MYBPH: variants seen among roughly 807,000 people sequenced by gnomAD.
The protein encoded by MYBPH is myosin binding protein H.
A neutral mutation model predicts 53.6 loss-of-function variants in MYBPH; 49 were observed. The ratio of observed to expected loss-of-function variants is 0.91; its 90% CI spans 0.73 to 1.16. The LOEUF is 1.16. Among genes scored for constraint, MYBPH ranks in the 50% most tolerant of loss-of-function variants. The pLI, the probability that MYBPH is intolerant of heterozygous loss-of-function variation, is 0.00. For synonymous variants in MYBPH, 239 were observed against 249.6 expected (o/e 0.96, Z 0.40); for missense variants, 558 against 624.1 (o/e 0.89, Z 1.13).
In MYBPH at chr1:203,171,162, C is replaced by T. The variant is rs778951085; in HGVS notation, c.832G>A (p.Val278Ile). 4.0e-5 allele frequency: 65 copies of T among 1,611,500 alleles called. No individual in the cohort carries two copies. The highest frequency in any genetic ancestry group is 1.2e-4 in the Admixed American group (7 of 59,532). ...GPPSSIRLLD[V>I]WGCNAALQWT... ...TGAAGAGCAGCATTGCAGCCCCAGA[C>T]GTCCAGGAGCCTGATGCTGCTGGGG... Residue 278 changes from valine to isoleucine, a missense_variant, in exon 6 of 11, where the codon GTC becomes ATC. Coordinates refer to ENST00000255416, the MANE Select transcript of MYBPH (RefSeq NM_004997.3). This position sits in a 1 kb window ranked among gnomAD's most constrained non-coding sequence, Gnocchi z 4.2.
rs561847617 is a variant in MYBPH, at chr1:203,171,565, G to A, written c.611C>T (p.Pro204Leu). Reference sequence around the variant, plus strand: ...GCCGTTGTGGGTCCATGTGGCCTGAGGCTTAGGCTTCCCCTGGCAGGGAGG... The same window carrying A: ...GCCGTTGTGGGTCCATGTGGCCTGAAGCTTAGGCTTCCCCTGGCAGGGAGG... ...LQIPFQGKPK[P>L]QATWTHNGHA... The change falls in exon 5 of 11, where the codon CCT (proline) becomes CTT (leucine). Residue 204 changes from proline (P) to leucine (L), a missense_variant. Physicochemically the swap from Pro to Leu is moderately conservative, Grantham distance 98. Coordinates refer to ENST00000255416, the MANE Select transcript of MYBPH (RefSeq NM_004997.3). This position sits in a 1 kb window ranked among gnomAD's most constrained non-coding sequence, Gnocchi z 4.2. 1 of 1,612,270 alleles carries A rather than the reference G, an allele frequency of 6.2e-7. No homozygotes were observed. The highest frequency in any genetic ancestry group is 8.5e-7 in the Non-Finnish European group (1 of 1,179,682).
intron 7 of MYBPH, 119 bp downstream of exon 7, chr1:203,170,172 C>T (rs111692033): frequency 4.1e-5 from 52 of 1,266,418 alleles, no homozygotes; most frequent in African/African-American, 7.5e-5. Flanking sequence ...AGTGAGGAGA[C>T]GGCAAGTGTT....
At chr1:203,169,784 G>A (rs1427779499) in intron 7 of MYBPH, among the ~76,000 whole-genome samples, 1 of 152,236 alleles carries the variant, frequency 6.6e-6, no homozygotes, top group African/African-American at 2.4e-5. Flanking sequence ...GTCGGAGAGG[G>A]CCTTGGGGCA....
chr1:203,175,343 C>G lies in MYBPH; in HGVS notation c.324G>C (p.Glu108Asp), dbSNP rs1310057824. Residue 108 changes from glutamate (E) to aspartate (D), a missense_variant, in exon 2 of 11, where the codon GAG becomes GAC. Transcript: ENST00000255416. ...GRLGLQGYVL[E>D]LCREGASEWV... is the part of the protein sequence containing the mutation. ...AGCACTCACCTCCCTCTCTGCAGAG[C>G]TCCAGCACATAGCCCTGGAGGCCCA... 1.3e-6 allele frequency: 2 copies of G among 1,523,102 alleles called. No individual in the cohort carries two copies. The highest frequency in any genetic ancestry group is 1.4e-5 in the African/African-American group (1 of 71,842). 94.3% of individuals were successfully genotyped at this position (1,523,102 alleles called of 1,614,324 possible).
chr1:203,178,762 C>T (rs548067944), upstream of MYBPH, among the ~76,000 whole-genome samples: 19 of 152,326 alleles, frequency 1.2e-4, no homozygotes, highest in South Asian at 1.2e-3. Flanking sequence ...AATCTGAGGA[C>T]GCTGGCCTCC....
At chr1:203,172,238 G>T (rs1277335360) in intron 3 of MYBPH, among the ~76,000 whole-genome samples, 198 bp from the exon 4 acceptor site, 1 of 152,124 alleles carries the variant, frequency 6.6e-6, no homozygotes, top group African/African-American at 2.4e-5. Flanking sequence ...TCCCTTAAGG[G>T]AGCAGGAGGT....
chr1:203,175,613 T>G lies in MYBPH; in HGVS notation c.143A>C (p.Gln48Pro), dbSNP rs1386840881. Residue 48 changes from glutamine to proline, a missense_variant, in exon 1 of 11, where the codon CAG (glutamine) becomes CCG (proline). Gln to Pro is a moderately conservative substitution (Grantham distance 76). Transcript: ENST00000255416. ...TGTAGGGGCCTGTGGGGCAGGGGCCTGCGGCTTGGGCACCTGCTCTTCTCT... is the reference window on the plus strand; with the variant it reads ...TGTAGGGGCCTGTGGGGCAGGGGCCGGCGGCTTGGGCACCTGCTCTTCTCT... ...STREEQVPKP[Q>P]APAPQAPTAS... The G allele has an allele frequency of 6.2e-7, 1 of 1,613,782 alleles. No individual in the cohort carries two copies. Among genetic ancestry groups the G allele is most frequent in the African/African-American group, 1.3e-5 (1 of 74,888 alleles).
intron 3 of MYBPH, among the ~76,000 whole-genome samples, chr1:203,173,672 C>T (rs911216705): frequency 5.9e-5 from 9 of 152,340 alleles, no homozygotes; most frequent in South Asian, 2.1e-4. Flanking sequence ...ATCATCCATC[C>T]CCTAGTGGAG....
chr1:203,168,175 C>T, intron 10 of MYBPH, 84 bp from the exon 11 acceptor site: 1 of 226,812 alleles, frequency 4.4e-6, no homozygotes, highest in South Asian at 5.6e-5. Context: ...GGAGGGGGAG[C>T]AGCATCCTCT....
At chr1:203,178,407 G>A (rs1165527505), upstream of MYBPH, among the ~76,000 whole-genome samples, 5 of 152,200 alleles carry the variant, frequency 3.3e-5, no homozygotes, top group Non-Finnish European at 7.4e-5. Flanking sequence ...GTAATCGGCT[G>A]CCCCTCACTG....
chr1:203,168,041 C>T lies in MYBPH; in HGVS notation c.*83G>A, dbSNP rs1655617414. The T allele has an allele frequency of 1.3e-5, 2 of 156,570 alleles. No homozygotes were observed. The allele number at this position is 156,570 out of a possible 1,614,324, so 9.7% of individuals were successfully genotyped here. ...ATGGAAGCGGGGGTCTTGGGCATCT[C>T]TGGAGTTTGACTGTAGGCCTGGTGG... On this transcript the variant is annotated 3_prime_UTR_variant, in exon 11 of 11. Transcript: ENST00000255416.
chr1:203,179,162 G>T, upstream of MYBPH: 1 of 277,174 alleles, frequency 3.6e-6, no homozygotes, highest in Non-Finnish European at 6.8e-6. Context: ...AAATTCCCTT[G>T]CCAGGCTTGG....
rs569729470 is a variant in MYBPH, at chr1:203,169,175, A to T, written c.1230+78T>A. On this transcript the variant is annotated intron_variant, in intron 8 of 10. Transcript: ENST00000255416. ...CAGCTATCCCCAGGCTTAGGTGTGG[A>T]CGCCCGGAGGATTCCTCAGCCCTGC... 8 of 1,579,888 alleles carry T rather than the reference A, an allele frequency of 5.1e-6. No individual in the cohort carries two copies. The African/African-American group carries it at 1.1e-4, about 21-fold the overall frequency.
Position 203,175,605 on chromosome 1 carries a change from C to T in MYBPH, c.151G>A (p.Ala51Thr). 6 of 1,613,910 alleles carry T rather than the reference C, an allele frequency of 3.7e-6. No individual in the cohort carries two copies. Among genetic ancestry groups the T allele is most frequent in the Non-Finnish European group, 5.1e-6 (6 of 1,180,008 alleles). Reference protein sequence around the residue: ...EEQVPKPQAPAPQAPTASTAT... With the variant: ...EEQVPKPQAPTPQAPTASTAT... Reference sequence around the variant, plus strand: ...GTGGAGGCTGTAGGGGCCTGTGGGGCAGGGGCCTGCGGCTTGGGCACCTGC... The same window carrying T: ...GTGGAGGCTGTAGGGGCCTGTGGGGTAGGGGCCTGCGGCTTGGGCACCTGC... Residue 51 changes from alanine (A) to threonine (T), a missense_variant, in exon 1 of 11, where the codon GCC becomes ACC. Physicochemically the swap from Ala to Thr is moderately conservative, Grantham distance 58. Coordinates refer to ENST00000255416, the MANE Select transcript of MYBPH (RefSeq NM_004997.3).
At position 203,169,192 on chromosome 1, in the gene MYBPH, C is replaced by T. The variant is rs143357058; in HGVS notation, c.1230+61G>A. ...AGGTGTGGACGCCCGGAGGATTCCT[C>T]AGCCCTGCTGTCCCCACCTGCCCCC... On this transcript the variant is annotated intron_variant, in intron 8 of 10. Coordinates refer to ENST00000255416, the MANE Select transcript of MYBPH (RefSeq NM_004997.3). 2.4e-4 allele frequency: 379 copies of T among 1,576,700 alleles called. No individual in the cohort carries two copies. The African/African-American group carries it at 4.0e-3, about 17-fold the overall frequency.
Position 203,168,621 on chromosome 1 carries a change from A to G in MYBPH, c.*32+6T>C, listed in dbSNP as rs372447101. 1 of 1,549,156 alleles carries G rather than the reference A, an allele frequency of 6.5e-7. No homozygotes were observed. Among genetic ancestry groups the G allele is most frequent in the Non-Finnish European group, 8.7e-7 (1 of 1,146,386 alleles). On this transcript the variant is annotated splice_donor_region_variant and intron_variant, in intron 10 of 10. Transcript: ENST00000255416. ...GGTAACAGAGTGGGTGGGTCAGGCC[A>G]TTTACCTGGCTCCTCATCACAGCCT...
chr1:203,170,374 G>T lies in MYBPH; in HGVS notation c.1010C>A (p.Ser337Tyr), dbSNP rs749508435. The T allele has an allele frequency of 2.5e-6, 4 of 1,614,100 alleles. No homozygotes were observed. Among genetic ancestry groups the T allele is most frequent in the Admixed American group, 3.3e-5 (2 of 60,006 alleles). ...CAGGTTTTCTGAGAAGACCCGGAAG[G>T]AGTACGAGTTGCCGATGATGAGGTC... ...ISDLIIGNSYSFRVFSENLCG... is the reference protein window; with the variant it reads ...ISDLIIGNSYYFRVFSENLCG... Residue 337 changes from serine (S) to tyrosine (Y), a missense_variant, in exon 7 of 11, where the codon TCC becomes TAC. By Grantham distance (144) the Ser-to-Tyr change is moderately radical. Coordinates refer to ENST00000255416, the MANE Select transcript of MYBPH (RefSeq NM_004997.3).
rs769526786 is a variant in MYBPH at position 203,175,358 on chromosome 1, C to T, written c.309G>A (p.Gln103=). The T allele has an allele frequency of 6.5e-7, 1 of 1,527,196 alleles. No individual in the cohort carries two copies. The highest frequency in any genetic ancestry group is 1.4e-5 in the African/African-American group (1 of 71,942). 94.6% of individuals were successfully genotyped at this position (1,527,196 alleles called of 1,614,324 possible). A position where few individuals can be genotyped will look rare whatever the true frequency, so the allele number is the denominator to read the frequency against. The change falls in exon 2 of 11, where the codon CAG becomes CAA. Residue 103 remains glutamine, a synonymous_variant. Coordinates refer to ENST00000255416, the MANE Select transcript of MYBPH (RefSeq NM_004997.3). ...PPERLGRLGL[Q]GYVLELCREG... The stretch of plus-strand genomic sequence containing the variant: ...CTCTGCAGAGCTCCAGCACATAGCC[C>T]TGGAGGCCCAGCCTCCCCAGCCTCT...
intron 7 of MYBPH, 89 bp from the exon 8 acceptor site, chr1:203,169,478 T>TAGC: frequency 6.6e-7 from 1 of 1,510,742 alleles, no homozygotes; most frequent in Non-Finnish European, 9.0e-7. Flanking sequence ...GATCTATGGA[T>TAGC]AGCAAGTCGT....
Sources: gnomAD v4.1 joint callset for allele counts (sites outside exome capture counted in the v4.1 genomes callset) on GRCh38, gnomAD v4.1.1 for gene constraint, Gnocchi (gnomAD v3.1) non-coding constraint, MANE v1.5 for transcripts, NCBI Gene and HGNC (gene_info 2026-07-23, HGNC 2026-07-21) for gene names.